The following HES3 variants were observed in gnomAD, a reference collection of about 807,000 sequenced individuals.
The protein encoded by HES3 is transcription factor HES-3.
Under a neutral mutation model 8.0 loss-of-function variants are expected in HES3, and 6 were observed. The ratio of observed to expected loss-of-function variants is 0.75; its 90% CI spans 0.41 to 1.49. The LOEUF (loss-of-function observed/expected upper bound fraction) is 1.49. Ranked by LOEUF, HES3 falls within the 40% of genes most tolerant of loss-of-function variation. HES3 has a pLI of 0.01. For synonymous variants in HES3, 121 were observed against 119.4 expected, an observed-to-expected ratio of 1.01 and a Z score of -0.09; for missense variants, 266 against 260.9, an observed-to-expected ratio of 1.02 and a Z score of -0.13.
Position 6,245,327 on chromosome 1 carries a change from T to C in HES3, c.381T>C (p.Pro127=), listed in dbSNP as rs1449656555. The change falls in exon 4 of 4, where the codon CCT becomes CCC. Residue 127 remains proline (P), a synonymous_variant. Coordinates refer to ENST00000377898, the MANE Select transcript of HES3 (RefSeq NM_001024598.4). ...FRPCTPAVWA[P]APAAGGPRSP... is the part of the protein sequence containing the mutation. ...CTTGCACCCCTGCCGTCTGGGCTCCTGCTCCGGCCGCCGGCGGCCCGCGGT... is the reference window on the plus strand; with the variant it reads ...CTTGCACCCCTGCCGTCTGGGCTCCCGCTCCGGCCGCCGGCGGCCCGCGGT... 2 of 1,503,358 alleles carry C rather than the reference T, an allele frequency of 1.3e-6. No individual in the cohort carries two copies. The highest frequency in any genetic ancestry group is 2.5e-5 in the South Asian group (2 of 80,438). 93.1% of individuals were successfully genotyped at this position (1,503,358 alleles called of 1,614,324 possible).
chr1:6,244,762 C>G (rs1638266363), intron 3 of HES3, 133 bp downstream of exon 3: 1 of 798,616 alleles, frequency 1.3e-6, no homozygotes, highest in Admixed American at 2.2e-5. Context: ...GGCAACATGG[C>G]AAGACAGCAA....
At chr1:6,245,011 T>TCCCCCCCCCC in intron 3 of HES3, 99 bp from the exon 4 acceptor site, 10 of 103,056 alleles carry the variant, frequency 9.7e-5, no homozygotes, top group South Asian at 4.4e-4. Flanking sequence ...CCTCCCTTCC[T>TCCCCCCCCCC]CCCCTCCCCT....
chr1:6,245,499 C>T lies in HES3; in HGVS notation c.553C>T (p.Leu185=). 2 of 1,503,032 alleles carry T rather than the reference C, an allele frequency of 1.3e-6. No individual in the cohort carries two copies. The highest frequency in any genetic ancestry group is 8.8e-7 in the Non-Finnish European group (1 of 1,139,940). 93.1% of individuals were successfully genotyped at this position (1,503,032 alleles called of 1,614,324 possible). ...WRPWGSPGDD[L]N ...GCCCTGGGGAAGCCCCGGGGATGAC[C>T]TGAACTGAAGGCGCTCCCTATTTGG... Residue 185 remains leucine (L), a synonymous_variant, in exon 4 of 4, where the codon CTG becomes TTG. Coordinates refer to ENST00000377898, the MANE Select transcript of HES3 (RefSeq NM_001024598.4).
chr1:6,245,105 C>T lies in HES3; in HGVS notation c.164-5C>T, dbSNP rs1458552117. 6.7e-7 allele frequency: 1 copy of T among 1,492,718 alleles called. No homozygotes were observed. Among genetic ancestry groups the T allele is most frequent in the Non-Finnish European group, 8.9e-7 (1 of 1,126,040 alleles). The allele number at this position is 1,492,718 out of a possible 1,614,324, so 92.5% of individuals were successfully genotyped here. ...CCTGTTTCTCGCGTCCGCTCTTCCC[C>T]ACAGGGCTCTGGCCTGTGCCCAGGG... On this transcript the variant is annotated splice_region_variant and splice_polypyrimidine_tract_variant and intron_variant, in intron 3 of 3. Coordinates refer to ENST00000377898, the MANE Select transcript of HES3 (RefSeq NM_001024598.4).
rs550860942 is a variant in HES3 at position 6,244,732 on chromosome 1, G to A, written c.163+103G>A. ...GATACCTCAAGGACCGCTTGACCCC[G>A]GGCTTTTGAGACCAGCCTGGGCAAC... is the stretch of plus-strand genomic sequence containing the variant. On this transcript the variant is annotated intron_variant, in intron 3 of 3. Transcript: ENST00000377898. The A allele has an allele frequency of 5.8e-5, 60 of 1,029,556 alleles. 1 individual carries two copies. The highest frequency in any genetic ancestry group is 5.7e-4 in the South Asian group (41 of 72,544). 63.8% of individuals were successfully genotyped at this position (1,029,556 alleles called of 1,614,324 possible).
In HES3 at chr1:6,245,092, G is replaced by A. The variant is rs1271631595; in HGVS notation, c.164-18G>A. ...CTCTCTTCCCCTCCCTGTTTCTCGC[G>A]TCCGCTCTTCCCCACAGGGCTCTGG... On this transcript the variant is annotated intron_variant, in intron 3 of 3. Transcript: ENST00000377898. 3.7e-6 allele frequency: 5 copies of A among 1,352,546 alleles called. No individual in the cohort carries two copies. Among genetic ancestry groups the A allele is most frequent in the Admixed American group, 3.1e-5 (1 of 32,422 alleles). The allele number at this position is 1,352,546 out of a possible 1,614,324, so 83.8% of individuals were successfully genotyped here.
Position 6,245,224 on chromosome 1 carries a change from C to G in HES3, c.278C>G (p.Pro93Arg). ...GAGGTCGGCAGCGGCCTGCGCTGCC[C>G]CCTGGTGCCCGAGAGCGCCGCCGGC... ...GDEVGSGLRC[P>R]LVPESAAGST... is the part of the protein sequence containing the mutation. The change falls in exon 4 of 4, where the codon CCC becomes CGC. Residue 93 changes from proline (P) to arginine (R), a missense_variant. Transcript: ENST00000377898. 1.3e-6 allele frequency: 2 copies of G among 1,523,058 alleles called. No homozygotes were observed. The highest frequency in any genetic ancestry group is 1.8e-6 in the Non-Finnish European group (2 of 1,141,334). The allele number at this position is 1,523,058 out of a possible 1,614,324, so 94.3% of individuals were successfully genotyped here.
At chr1:6,244,467 G>T in intron 2 of HES3, 21 bp downstream of exon 2, 1 of 1,591,448 alleles carries the variant, frequency 6.3e-7, no homozygotes, top group South Asian at 1.1e-5. Context: ...GGCGGGGTGG[G>T]GGTGGGTGGG....
At position 6,245,453 on chromosome 1, in the gene HES3, G is replaced by A. The variant is rs781191032; in HGVS notation, c.507G>A (p.Gly169=). 2 of 1,537,208 alleles carry A rather than the reference G, an allele frequency of 1.3e-6. No individual in the cohort carries two copies. The highest frequency in any genetic ancestry group is 2.0e-5 in the Admixed American group (1 of 50,304). ...PASSRCAESP[G]LGLRVWRPWG... ...CGAGTCGCTGCGCCGAGAGTCCCGG[G>A]CTGGGCCTGCGCGTGTGGCGGCCCT... Residue 169 remains glycine, a synonymous_variant, in exon 4 of 4, where the codon GGG becomes GGA. Coordinates refer to ENST00000377898, the MANE Select transcript of HES3 (RefSeq NM_001024598.4).
intron 2 of HES3, 42 bp from the exon 3 acceptor site, chr1:6,244,506 C>T (rs753402444): frequency 1.2e-6 from 2 of 1,613,162 alleles, no homozygotes; most frequent in Non-Finnish European, 1.7e-6. Context: ...CCTCTCTCCA[C>T]CTCGGGAGGC....
Position 6,245,163 on chromosome 1 carries a change from C to T in HES3, c.217C>T (p.Leu73=). 1 of 1,529,704 alleles carries T rather than the reference C, an allele frequency of 6.5e-7. No individual in the cohort carries two copies. 94.8% of individuals were successfully genotyped at this position (1,529,704 alleles called of 1,614,324 possible). ...AEQPSGFRSC[L]PGVSQLLRRG... ...GCAACCGTCGGGCTTCCGCAGCTGC[C>T]TGCCCGGCGTGAGCCAGCTCCTTCG... Residue 73 remains leucine (L), a synonymous_variant, in exon 4 of 4, where the codon CTG becomes TTG. Coordinates refer to ENST00000377898, the MANE Select transcript of HES3 (RefSeq NM_001024598.4).
intron 3 of HES3, 70 bp downstream of exon 3, chr1:6,244,699 T>C (rs1054801129): frequency 1.8e-5 from 25 of 1,363,806 alleles, no homozygotes; most frequent in Non-Finnish European, 2.5e-5. Context: ...CAAGGCCAAA[T>C]AAAGAGGGAT....
chr1:6,245,296 T>C lies in HES3; in HGVS notation c.350T>C (p.Phe117Ser). Residue 117 changes from phenylalanine (F) to serine (S), a missense_variant, in exon 4 of 4, where the codon TTC becomes TCC. Transcript: ENST00000377898. ...AGLGQEAPAL[F>S]RPCTPAVWAP... ...TTGGGCCAGGAGGCGCCCGCGCTGTTCCGCCCTTGCACCCCTGCCGTCTGG... is the reference window on the plus strand; with the variant it reads ...TTGGGCCAGGAGGCGCCCGCGCTGTCCCGCCCTTGCACCCCTGCCGTCTGG... 1 of 1,502,182 alleles carries C rather than the reference T, an allele frequency of 6.7e-7. No individual in the cohort carries two copies. Among genetic ancestry groups the C allele is most frequent in the Non-Finnish European group, 8.8e-7 (1 of 1,134,282 alleles). 93.1% of individuals were successfully genotyped at this position (1,502,182 alleles called of 1,614,324 possible). A position where few individuals can be genotyped will look rare whatever the true frequency, so the allele number is the denominator to read the frequency against.
In HES3 at chr1:6,245,188, G is replaced by T; in HGVS notation, c.242G>T (p.Arg81Leu). The stretch of plus-strand genomic sequence containing the variant: ...CTGCCCGGCGTGAGCCAGCTCCTTC[G>T]GCGCGGAGATGAGGTCGGCAGCGGC... ...SCLPGVSQLL[R>L]RGDEVGSGLR... Residue 81 changes from arginine to leucine, a missense_variant, in exon 4 of 4, where the codon CGG becomes CTG. Physicochemically the swap from Arg to Leu is moderately radical, Grantham distance 102. Transcript: ENST00000377898. 6.6e-7 allele frequency: 1 copy of T among 1,526,140 alleles called. No individual in the cohort carries two copies. Among genetic ancestry groups the T allele is most frequent in the Non-Finnish European group, 8.7e-7 (1 of 1,143,788 alleles). 94.5% of individuals were successfully genotyped at this position (1,526,140 alleles called of 1,614,324 possible). A position where few individuals can be genotyped will look rare whatever the true frequency, so the allele number is the denominator to read the frequency against.
chr1:6,244,748 C>A, intron 3 of HES3, 119 bp downstream of exon 3: 1 of 881,976 alleles, frequency 1.1e-6, no homozygotes, highest in Non-Finnish European at 1.8e-6. Flanking sequence ...TTGAGACCAG[C>A]CTGGGCAACA....
rs1182630612 is a variant in HES3, at chr1:6,245,143, C to T, written c.197C>T (p.Pro66Leu). Residue 66 changes from proline (P) to leucine (L), a missense_variant, in exon 4 of 4, where the codon CCG becomes CTG. By Grantham distance (98) the Pro-to-Leu change is moderately conservative. Transcript: ENST00000377898. Reference protein sequence around the residue: ...LWPVPRGAEQPSGFRSCLPGV... With the variant: ...LWPVPRGAEQLSGFRSCLPGV... ...CCTGTGCCCAGGGGAGCCGAGCAACCGTCGGGCTTCCGCAGCTGCCTGCCC... is the reference window on the plus strand; with the variant it reads ...CCTGTGCCCAGGGGAGCCGAGCAACTGTCGGGCTTCCGCAGCTGCCTGCCC... The T allele has an allele frequency of 1.3e-6, 2 of 1,529,442 alleles. No individual in the cohort carries two copies. The highest frequency in any genetic ancestry group is 2.5e-5 in the East Asian group (1 of 39,966). 94.7% of individuals were successfully genotyped at this position (1,529,442 alleles called of 1,614,324 possible).
At chr1:6,244,477 G>A (rs770746222) in intron 2 of HES3, 31 bp downstream of exon 2, 2 of 1,094,504 alleles carry the variant, frequency 1.8e-6, no homozygotes, top group Non-Finnish European at 2.8e-6. Context: ...GGGTGGGTGG[G>A]TGATACGATC....
rs1467598881 is a variant in HES3 at position 6,245,378 on chromosome 1, C to T, written c.432C>T (p.Pro144=). The T allele has an allele frequency of 3.3e-6, 5 of 1,518,726 alleles. No homozygotes were observed. Among genetic ancestry groups the T allele is most frequent in the African/African-American group, 1.4e-5 (1 of 70,474 alleles). 94.1% of individuals were successfully genotyped at this position (1,518,726 alleles called of 1,614,324 possible). A position where few individuals can be genotyped will look rare whatever the true frequency, so the allele number is the denominator to read the frequency against. ...CCCCACCACCCCTGCTCCTCCTCCC[C>T]GAAAGTCTCCCTGGCTCGTCCGCCA... The part of the protein sequence containing the change: ...PRSPPPLLLL[P]ESLPGSSASV... The change falls in exon 4 of 4, where the codon CCC becomes CCT. Residue 144 remains proline, a synonymous_variant. Coordinates refer to ENST00000377898, the MANE Select transcript of HES3 (RefSeq NM_001024598.4).
chr1:6,244,320 G>C, intron 1 of HES3, 31 bp from the exon 2 acceptor site: 5 of 1,569,422 alleles, frequency 3.2e-6, no homozygotes, highest in Non-Finnish European at 4.4e-6. Context: ...GAGGGTGGCA[G>C]TCCTGCACTC....
Sources: gnomAD v4.1 joint callset for allele counts on GRCh38, gnomAD v4.1.1 for gene constraint, MANE v1.5 for transcripts, NCBI Gene and HGNC (gene_info 2026-07-23, HGNC 2026-07-21) for gene names.